WWOX: variants seen among roughly 807,000 people sequenced by gnomAD.
The protein encoded by WWOX is WW domain-containing oxidoreductase.
WWOX carries 69 observed loss-of-function variants against 46.2 expected under a neutral mutation model. The observed-to-expected ratio is 1.49, with a 90% CI of 1.23 to 1.82. The LOEUF is 1.82. Among genes scored for constraint, WWOX ranks in the 40% most tolerant of loss-of-function variants. WWOX has a pLI of 0.00. For synonymous variants in WWOX, 359 were observed against 202.6 expected (o/e 1.77, Z -6.56); for missense variants, 919 against 542.6 (o/e 1.69, Z -6.89).
chr16:78,932,124 C>T (rs1431049654), intron 8 of WWOX, among the ~76,000 whole-genome samples: 1 of 152,220 alleles, frequency 6.6e-6, no homozygotes, highest in East Asian at 1.9e-4. Flanking sequence ...TTATTAGCAG[C>T]ATGAGAACAA....
chr16:78,576,598 C>T (rs1045021653), intron 8 of WWOX, among the ~76,000 whole-genome samples: 9 of 152,102 alleles, frequency 5.9e-5, no homozygotes, highest in African/African-American at 1.9e-4. Flanking sequence ...ATTGGATGGC[C>T]CAGGCAGGAG....
intron 5 of WWOX, among the ~76,000 whole-genome samples, chr16:78,213,761 T>C (rs2036632748): frequency 6.6e-6 from 1 of 152,224 alleles, no homozygotes; most frequent in African/African-American, 2.4e-5. Flanking sequence ...GCTGCAAATG[T>C]CTTACCCAGG....
At chr16:78,637,139 T>C (rs928754490) in intron 8 of WWOX, among the ~76,000 whole-genome samples, 1 of 152,040 alleles carries the variant, frequency 6.6e-6, no homozygotes, top group Non-Finnish European at 1.5e-5. Context: ...TCACAATAAC[T>C]CTGTGTTGAG....
At chr16:78,632,952 C>A (rs548434724) in intron 8 of WWOX, among the ~76,000 whole-genome samples, 1 of 151,978 alleles carries the variant, frequency 6.6e-6, no homozygotes, top group Admixed American at 6.5e-5. Context: ...CATTTATTAT[C>A]CCCATTTTAC....
chr16:78,485,264 G>T (rs2084602969), intron 8 of WWOX, among the ~76,000 whole-genome samples: 1 of 152,106 alleles, frequency 6.6e-6, no homozygotes, highest in South Asian at 2.1e-4. Context: ...CTCCAGCTAT[G>T]CACATTTTCA....
intron 8 of WWOX, among the ~76,000 whole-genome samples, chr16:78,883,910 A>G (rs1161730327): frequency 6.6e-6 from 1 of 152,128 alleles, no homozygotes; most frequent in East Asian, 1.9e-4. Flanking sequence ...TTATGATAGT[A>G]ACATCAGTTG....
intron 8 of WWOX, among the ~76,000 whole-genome samples, chr16:78,840,073 C>T (rs1337205486): frequency 2.0e-5 from 3 of 152,170 alleles, no homozygotes; most frequent in Admixed American, 6.5e-5. Flanking sequence ...TGAGTTAGCA[C>T]ATGAGAACAT....
At chr16:79,152,869 C>G (rs530855510) in intron 8 of WWOX, among the ~76,000 whole-genome samples, 7 of 152,146 alleles carry the variant, frequency 4.6e-5, no homozygotes, top group African/African-American at 1.2e-4. Flanking sequence ...GGAGATAGAA[C>G]GGAGTACCCA....
chr16:78,351,239 G>A (rs554244288), intron 5 of WWOX, among the ~76,000 whole-genome samples: 3 of 152,264 alleles, frequency 2.0e-5, no homozygotes, highest in African/African-American at 7.2e-5. Flanking sequence ...ACTGCTCCCC[G>A]ATTACAATAT....
chr16:79,175,074 C>G (rs2050774058), intron 8 of WWOX, among the ~76,000 whole-genome samples: 1 of 152,200 alleles, frequency 6.6e-6, no homozygotes, highest in African/African-American at 2.4e-5. Flanking sequence ...ACAACCACAT[C>G]AACTGTGCAG....
intron 8 of WWOX, among the ~76,000 whole-genome samples, chr16:79,162,438 G>A (rs985283355): frequency 1.2e-4 from 19 of 152,164 alleles, no homozygotes; most frequent in Non-Finnish European, 1.8e-4. Flanking sequence ...TCTGGATTCC[G>A]TAGGTAGGAT....
intron 8 of WWOX, among the ~76,000 whole-genome samples, chr16:78,808,515 G>A (rs180805048): frequency 1.3e-5 from 2 of 152,228 alleles, no homozygotes; most frequent in East Asian, 3.9e-4. Flanking sequence ...TAAAAATGTG[G>A]ACCTTTGTGA....
chr16:79,149,411 A>G (rs1011256855), intron 8 of WWOX, among the ~76,000 whole-genome samples: 3 of 152,242 alleles, frequency 2.0e-5, no homozygotes, highest in African/African-American at 7.2e-5. Context: ...GTTTTTTTAT[A>G]CATTGTTGGA....
intron 8 of WWOX, among the ~76,000 whole-genome samples, chr16:79,149,802 T>C (rs529894634): frequency 6.6e-6 from 1 of 152,332 alleles, no homozygotes; most frequent in East Asian, 1.9e-4. Flanking sequence ...CATCACTCAG[T>C]TCTGTTGGCA....
At chr16:78,216,714 C>T (rs758924268) in intron 5 of WWOX, among the ~76,000 whole-genome samples, 1 of 151,892 alleles carries the variant, frequency 6.6e-6, no homozygotes, top group South Asian at 2.1e-4. Flanking sequence ...CCTAGATAAC[C>T]AGGGTCCTCT....
At chr16:78,807,068 A>G (rs550083525) in intron 8 of WWOX, among the ~76,000 whole-genome samples, 79 of 152,328 alleles carry the variant, frequency 5.2e-4, no homozygotes, top group Middle Eastern at 6.8e-3. Context: ...AATTTGTGCA[A>G]GCATCCACCA....
chr16:78,618,990 C>T lies in WWOX; in HGVS notation c.1056+186238C>T, dbSNP rs936751143. On this transcript the variant is annotated intron_variant, in intron 8 of 8. Coordinates refer to ENST00000566780, the MANE Select transcript of WWOX (RefSeq NM_016373.4). ...ATACTGAAATTTCTGGGCAAAGTTT[C>T]CTCAACTCTTCATTTAAGTGTTAGG... 2.7e-5 allele frequency among the ~76,000 whole-genome samples: 4 copies of T among 149,680 alleles called. No individual in the cohort carries two copies. The Admixed American group carries it at 2.7e-4, about 10-fold the overall frequency.
intron 8 of WWOX, among the ~76,000 whole-genome samples, chr16:79,209,592 C>G (rs1244528235): frequency 3.3e-5 from 5 of 152,178 alleles, no homozygotes; most frequent in South Asian, 2.1e-4. Flanking sequence ...CTTGGCCACT[C>G]TGGTCGTTTT....
intron 5 of WWOX, among the ~76,000 whole-genome samples, chr16:78,361,256 G>C (rs1375545984): frequency 1.3e-5 from 2 of 152,072 alleles, no homozygotes; most frequent in Non-Finnish European, 2.9e-5. Flanking sequence ...AAATGATGTG[G>C]TGTCTTTCTT....
Sources: allele counts gnomAD v4.1 joint callset (sites outside exome capture counted in the v4.1 genomes callset), GRCh38; gene constraint gnomAD v4.1.1; transcripts MANE v1.5; gene names NCBI Gene and HGNC (gene_info 2026-07-23, HGNC 2026-07-21).